SNX25: variants seen among roughly 807,000 people sequenced by gnomAD.
SNX25 encodes the protein sorting nexin-25.
SNX25 carries 62 observed loss-of-function variants against 113.7 expected under a neutral mutation model. That is an observed-to-expected ratio of 0.55 (90% CI 0.44 to 0.67). SNX25 has a LOEUF of 0.67. Ranked by LOEUF, SNX25 falls within the 30% of genes least tolerant of loss-of-function variation. The probability of loss-of-function intolerance (pLI) is 0.00; values close to 1 mark genes in which losing one functional copy is unlikely to be tolerated. For missense variants in SNX25, 1,014 were observed against 1,161.0 expected (o/e 0.87, Z 1.84); for synonymous variants, 421 against 436.2 (o/e 0.97, Z 0.43).
At chr4:185,285,491 A>AT (rs899986806) in intron 5 of SNX25, among the ~76,000 whole-genome samples, 8 of 152,030 alleles carry the variant, frequency 5.3e-5, no homozygotes, top group African/African-American at 1.9e-4. Context: ...TTTCATTTTG[A>AT]TTTTTTTCTT....
intron 1 of SNX25, chr4:185,204,566 A>C (rs1318671431): frequency 6.6e-6 from 1 of 152,224 alleles, no homozygotes; most frequent in East Asian, 1.9e-4. Flanking sequence ...GGATGATGGC[A>C]CCCCAAAAAT....
chr4:185,209,995 T>A lies in SNX25; in HGVS notation c.169T>A (p.Trp57Arg). 1 of 983,204 alleles carries A rather than the reference T, an allele frequency of 1.0e-6. No homozygotes were observed. Among genetic ancestry groups the A allele is most frequent in the Non-Finnish European group, 1.2e-6 (1 of 829,126 alleles). 60.9% of individuals were successfully genotyped at this position (983,204 alleles called of 1,614,324 possible). ...GCCGGGGGCCCCGGGCGGCCGGAGC[T>A]GGTGGAAGCCCGTGGCGGTGGCCGC... ...AAPGAPGGRS[W>R]WKPVAVAALA... Residue 57 changes from tryptophan (W) to arginine (R), a missense_variant, in exon 1 of 19, where the codon TGG becomes AGG. Physicochemically the swap from Trp to Arg is moderately radical, Grantham distance 101 (BLOSUM62 -3). Coordinates refer to ENST00000652585, the MANE Select transcript of SNX25 (RefSeq NM_001378034.2). This position sits in a 1 kb window ranked among gnomAD's most constrained non-coding sequence, Gnocchi z 5.2.
At position 185,295,906 on chromosome 4, in the gene SNX25, C is replaced by T. The variant is rs142753714; in HGVS notation, c.1162+7824C>T. Reference sequence around the variant, plus strand: ...AACCTTAAGGGGTTAACCGCTGTCTCGCTCCATTCCTGCTGCTATGACAAA... The same window carrying T: ...AACCTTAAGGGGTTAACCGCTGTCTTGCTCCATTCCTGCTGCTATGACAAA... On this transcript the variant is annotated intron_variant, in intron 6 of 18. Transcript: ENST00000652585. 6.6e-5 allele frequency: 10 copies of T among 152,288 alleles called. No individual in the cohort carries two copies. In the East Asian group the frequency reaches 1.7e-3, roughly 26 times the overall value. The allele number at this position is 152,288 out of a possible 1,614,324, so 9.4% of individuals were successfully genotyped here. A position where few individuals can be genotyped will look rare whatever the true frequency, so the allele number is the denominator to read the frequency against.
At chr4:185,305,880 C>T (rs571139860) in intron 6 of SNX25, among the ~76,000 whole-genome samples, 5 of 152,228 alleles carry the variant, frequency 3.3e-5, no homozygotes, top group African/African-American at 4.8e-5. Context: ...TGGCGAAACC[C>T]GTGATTACTT....
intron 2 of SNX25, among the ~76,000 whole-genome samples, chr4:185,250,032 ATG>A (rs1242350347): frequency 6.6e-6 from 1 of 152,154 alleles, no homozygotes; most frequent in Non-Finnish European, 1.5e-5. Context: ...ATACTGGACA[ATG>A]TGGATGCTGC....
intron 1 of SNX25, among the ~76,000 whole-genome samples, chr4:185,226,656 GC>G (rs1392658467): frequency 6.6e-6 from 1 of 151,890 alleles, no homozygotes; most frequent in African/African-American, 2.4e-5. Context: ...TCACTATGTT[GC>G]CCGGGCTGGT....
intron 1 of SNX25, among the ~76,000 whole-genome samples, chr4:185,236,186 C>T (rs1205383848): frequency 6.6e-5 from 10 of 152,310 alleles, no homozygotes; most frequent in Middle Eastern, 6.8e-3. Flanking sequence ...TATTCTCTCC[C>T]GAAGTTTTGC....
chr4:185,373,167 C>A, downstream of SNX25: 3 of 1,188,814 alleles, frequency 2.5e-6, no homozygotes, highest in Middle Eastern at 2.0e-4. Context: ...CTCTGTGTTT[C>A]CTAGATAGCA....
chr4:185,239,445 T>C (rs543744911), intron 1 of SNX25, among the ~76,000 whole-genome samples: 8 of 151,168 alleles, frequency 5.3e-5, no homozygotes, highest in East Asian at 3.9e-4. Context: ...ATCGCACCGC[T>C]GCACTCCAGC....
rs528246522 is a variant in SNX25, at chr4:185,350,351, C to T, written c.2302-1094C>T. On this transcript the variant is annotated intron_variant, in intron 13 of 18. Coordinates refer to ENST00000652585, the MANE Select transcript of SNX25 (RefSeq NM_001378034.2). ...GCTGGCTTCTGAGTGTTCCATCTCC[C>T]TATGTGGCTGACAGTTCTTATAGGT... Among the ~76,000 whole-genome samples the T allele has an allele frequency of 2.0e-5, 3 of 152,332 alleles. No individual in the cohort carries two copies. The South Asian group carries it at 6.2e-4, about 32-fold the overall frequency.
At position 185,357,751 on chromosome 4, in the gene SNX25, A is replaced by T. The variant is rs1381314973; in HGVS notation, c.2651+14A>T. On this transcript the variant is annotated intron_variant, in intron 16 of 18. Coordinates refer to ENST00000652585, the MANE Select transcript of SNX25 (RefSeq NM_001378034.2). ...AACCATCAACAAGTGAGTTGTATGA[A>T]ATTAATATTTGGATCCATGCCCTAC... 1 of 1,609,384 alleles carries T rather than the reference A, an allele frequency of 6.2e-7. No individual in the cohort carries two copies. Among genetic ancestry groups the T allele is most frequent in the South Asian group, 1.1e-5 (1 of 90,962 alleles).
Position 185,267,078 on chromosome 4 carries a change from C to CA in SNX25, c.1015dup (p.Thr339AsnfsTer14). The CA allele has an allele frequency of 6.2e-7, 1 of 1,614,074 alleles. No individual in the cohort carries two copies. The highest frequency in any genetic ancestry group is 8.5e-7 in the Non-Finnish European group (1 of 1,179,976). On this transcript the variant is annotated frameshift_variant, in exon 5 of 19. Transcript: ENST00000652585. LOFTEE classifies it high-confidence loss of function. ...TGAATGAGCATCACAAGAGAGCCTA[C>CA]ACCTATGCCCCCTCTTACGAGGACT... is the stretch of plus-strand genomic sequence containing the variant.
rs144364370 is a variant in SNX25 at position 185,332,545 on chromosome 4, C to A, written c.1750-50C>A. 89 of 1,495,550 alleles carry A rather than the reference C, an allele frequency of 6.0e-5. No individual in the cohort carries two copies. The African/African-American group carries it at 1.1e-3, about 18-fold the overall frequency. The allele number at this position is 1,495,550 out of a possible 1,614,324, so 92.6% of individuals were successfully genotyped here. ...AGGGTATCGTGACCGATAATAATTACTGAATTTTCTATCATTATAAGATAT... is the reference window on the plus strand; with the variant it reads ...AGGGTATCGTGACCGATAATAATTAATGAATTTTCTATCATTATAAGATAT... On this transcript the variant is annotated intron_variant, in intron 9 of 18. Transcript: ENST00000652585.
the SNX25 span, chr4:185,377,941 C>T: frequency 5.7e-5 from 38 of 668,522 alleles, no homozygotes; most frequent in East Asian, 5.8e-4. Flanking sequence ...CAGATTCTTG[C>T]GGGAAAACTC....
At chr4:185,326,228 GA>G (rs1285013408) in intron 9 of SNX25, among the ~76,000 whole-genome samples, 3 of 152,160 alleles carry the variant, frequency 2.0e-5, no homozygotes, top group African/African-American at 7.2e-5. Flanking sequence ...CAAAACGTCA[GA>G]AAGGTCACTC....
chr4:185,297,746 G>A (rs1753038120), intron 6 of SNX25, among the ~76,000 whole-genome samples: 1 of 152,170 alleles, frequency 6.6e-6, no homozygotes, highest in Admixed American at 6.6e-5. Context: ...GGAGTGGGGA[G>A]AAGGAGAATT....
At chr4:185,223,486 CTT>C (rs1351034342) in intron 1 of SNX25, among the ~76,000 whole-genome samples, 1 of 152,100 alleles carries the variant, frequency 6.6e-6, no homozygotes, top group Admixed American at 6.6e-5. Flanking sequence ...TTTGGCAAAA[CTT>C]TGGCTAGTGG....
intron 2 of SNX25, among the ~76,000 whole-genome samples, chr4:185,250,742 T>A (rs1033852608): frequency 2.0e-5 from 3 of 151,696 alleles, no homozygotes; most frequent in Admixed American, 6.6e-5. Flanking sequence ...TTTTTACTTT[T>A]GTGGGGTGGG....
chr4:185,294,162 A>G (rs142750100), intron 6 of SNX25, among the ~76,000 whole-genome samples: 2 of 152,298 alleles, frequency 1.3e-5, no homozygotes, highest in Non-Finnish European at 2.9e-5. Flanking sequence ...AATCACCTTG[A>G]TCAAAAGGAG....
Sources: allele counts gnomAD v4.1 joint callset (sites outside exome capture counted in the v4.1 genomes callset), GRCh38; gene constraint gnomAD v4.1.1; non-coding constraint Gnocchi (gnomAD v3.1); transcripts MANE v1.5; gene names NCBI Gene and HGNC (gene_info 2026-07-23, HGNC 2026-07-21).